The following CHFR variants were observed in gnomAD, a reference collection of about 807,000 sequenced individuals.
The protein encoded by CHFR is E3 ubiquitin-protein ligase CHFR.
In CHFR, 57 loss-of-function variants were observed where a neutral mutation model predicts 87.6. The ratio of observed to expected loss-of-function variants is 0.65; its 90% CI spans 0.53 to 0.81. The LOEUF is 0.81. Among genes scored for constraint, CHFR ranks in the 30% least tolerant of loss-of-function variants. The pLI is 0.00. For missense variants in CHFR, 797 were observed against 865.8 expected, an observed-to-expected ratio of 0.92 and a Z score of 1.00; for synonymous variants, 381 against 359.2, an observed-to-expected ratio of 1.06 and a Z score of -0.69.
chr12:132,844,786 GTGCCC>G (rs1950782611), intron 15 of CHFR, among the ~76,000 whole-genome samples: 19 of 138,400 alleles, frequency 1.4e-4, no homozygotes, highest in Admixed American at 7.2e-5. Flanking sequence ...GTGTGCCACC[GTGCCC>G]GGCTAATGTT....
Position 132,851,700 on chromosome 12 carries a change from G to A in CHFR, c.1410C>T (p.His470=), listed in dbSNP as rs147791929. ...QDYVCPLQGS[H]ALCTCCFQPM... is the part of the protein sequence containing the mutation. ...GCTGGAAGCAGCAGGTGCACAGGGC[G>A]TGGCTTCCTTGCAGAGGGCACACGT... is the stretch of plus-strand genomic sequence containing the variant. Residue 470 remains histidine, a synonymous_variant, in exon 12 of 18, where the codon CAC becomes CAT. Transcript: ENST00000450056. 2.8e-4 allele frequency: 454 copies of A among 1,613,446 alleles called. No homozygotes were observed. In the South Asian group the frequency reaches 4.5e-3, roughly 16 times the overall value.
intron 7 of CHFR, among the ~76,000 whole-genome samples, chr12:132,860,378 G>A (rs370484647): frequency 4.6e-5 from 7 of 152,158 alleles, no homozygotes; most frequent in African/African-American, 1.7e-4. Context: ...TAGTTTACTA[G>A]ATTAAGTTGT....
At chr12:132,861,394 G>A in intron 7 of CHFR, 73 bp downstream of exon 7, 2 of 1,499,896 alleles carry the variant, frequency 1.3e-6, no homozygotes, top group Non-Finnish European at 1.8e-6. Context: ...CCACAGCACG[G>A]AGCATGGCAG....
rs1165117990 is a variant in CHFR, at chr12:132,843,173, G to A, written c.1844-90C>T. The A allele has an allele frequency of 1.3e-5, 15 of 1,181,294 alleles. No individual in the cohort carries two copies. In the African/African-American group the frequency reaches 1.5e-4, roughly 12 times the overall value. 73.2% of individuals were successfully genotyped at this position (1,181,294 alleles called of 1,614,324 possible). A position where few individuals can be genotyped will look rare whatever the true frequency, so the allele number is the denominator to read the frequency against. On this transcript the variant is annotated intron_variant, in intron 16 of 17. Transcript: ENST00000450056. ...TCCCAGCAGAGACCCAACGACAGAC[G>A]CTGCGGTGGAAACGCACGGCCTCTG...
chr12:132,878,267 G>A (rs1430920416), intron 2 of CHFR, among the ~76,000 whole-genome samples: 3 of 152,032 alleles, frequency 2.0e-5, no homozygotes, highest in Non-Finnish European at 4.4e-5. Flanking sequence ...TCAGGAGTTC[G>A]AGACCAGCCT....
chr12:132,843,942 T>G (rs1340233983), intron 16 of CHFR, 85 bp downstream of exon 16: 1 of 816,152 alleles, frequency 1.2e-6, no homozygotes, highest in African/African-American at 1.7e-5. Context: ...ACAGCGAAAC[T>G]GTCTCAAAAA....
chr12:132,835,705 A>G lies in CHFR; in HGVS notation c.*5849T>C, dbSNP rs1191749883. The G allele has an allele frequency of 1.3e-5, 3 of 232,856 alleles. No individual in the cohort carries two copies. The highest frequency in any genetic ancestry group is 4.8e-5 in the African/African-American group (2 of 41,860). 14.4% of individuals were successfully genotyped at this position (232,856 alleles called of 1,614,324 possible). ...TGTGAGAAAATACTTTCTGTTGTTT[A>G]AGCCGCCTGTTCTGCGGCGTTTTGA... On this transcript the variant is annotated 3_prime_UTR_variant, in exon 18 of 18. Coordinates refer to ENST00000450056, the MANE Select transcript of CHFR (RefSeq NM_001161346.2).
chr12:132,853,026 G>A (rs536672479), intron 11 of CHFR, among the ~76,000 whole-genome samples: 19 of 152,320 alleles, frequency 1.2e-4, no homozygotes, highest in Admixed American at 9.8e-4. Context: ...CTCTGGTGAC[G>A]CAGGGCAGCT....
chr12:132,887,485 C>G, intron 1 of CHFR, 62 bp downstream of exon 1: 1 of 397,330 alleles, frequency 2.5e-6, no homozygotes. Context: ...GCGCCCCCTC[C>G]CACGGCCGCA....
intron 10 of CHFR, 149 bp from the exon 11 acceptor site, chr12:132,853,722 A>G: frequency 1.1e-6 from 1 of 897,730 alleles, no homozygotes; most frequent in Non-Finnish European, 1.6e-6. Flanking sequence ...ATTCCTGTCC[A>G]GCACCCCAGT....
At chr12:132,867,193 G>C (rs1951365279) in intron 6 of CHFR, 1 of 152,322 alleles carries the variant, frequency 6.6e-6, no homozygotes, top group South Asian at 2.1e-4. Context: ...GCATACAACG[G>C]AGTAAAAACC....
At chr12:132,842,832 G>T (rs2306544) in intron 17 of CHFR, among the ~76,000 whole-genome samples, 179 bp downstream of exon 17, 6 of 152,258 alleles carry the variant, frequency 3.9e-5, no homozygotes, top group Non-Finnish European at 7.4e-5. Context: ...AGTGGAAGAC[G>T]GAGATAAAAC....
At chr12:132,878,249 T>G (rs1057512184) in intron 2 of CHFR, among the ~76,000 whole-genome samples, 1 of 152,096 alleles carries the variant, frequency 6.6e-6, no homozygotes, top group African/African-American at 2.4e-5. Context: ...GGTGAATGGA[T>G]CACGAGGTCA....
At chr12:132,883,422 G>A (rs111839026) in intron 2 of CHFR, among the ~76,000 whole-genome samples, 20,459 of 117,186 alleles carry the variant, frequency 0.17, 2,009 homozygotes, top group Middle Eastern at 0.26. Flanking sequence ...GTGAAACTCC[G>A]TCTCAAAAAA....
At chr12:132,880,558 T>G (rs1951743402) in intron 2 of CHFR, among the ~76,000 whole-genome samples, 1 of 151,574 alleles carries the variant, frequency 6.6e-6, no homozygotes, top group African/African-American at 2.4e-5. Flanking sequence ...CTCAGGAGGC[T>G]GAGGCAGAAG....
intron 12 of CHFR, chr12:132,849,418 A>C (rs1950893447): frequency 1.3e-5 from 2 of 151,104 alleles, no homozygotes; most frequent in South Asian, 4.2e-4. Flanking sequence ...GATGCACTGC[A>C]CCCGGCCTCA....
chr12:132,865,662 T>G (rs1951318164), intron 6 of CHFR, among the ~76,000 whole-genome samples: 1 of 139,272 alleles, frequency 7.2e-6, no homozygotes, highest in African/African-American at 2.7e-5. Flanking sequence ...TCTTTTTTTT[T>G]TTTTTTTTTT....
chr12:132,847,037 A>G lies in CHFR; in HGVS notation c.1735+6T>C. 2 of 1,608,804 alleles carry G rather than the reference A, an allele frequency of 1.2e-6. No homozygotes were observed. The highest frequency in any genetic ancestry group is 1.7e-6 in the Non-Finnish European group (2 of 1,175,646). ...CCTTAGAGCAGGAGGCAACAGAAGA[A>G]CTCACCAGACAGCAGAAACACTCCC... On this transcript the variant is annotated splice_donor_region_variant and intron_variant, in intron 15 of 17. Coordinates refer to ENST00000450056, the MANE Select transcript of CHFR (RefSeq NM_001161346.2).
chr12:132,863,618 G>A (rs962225950), intron 6 of CHFR, among the ~76,000 whole-genome samples: 1 of 152,190 alleles, frequency 6.6e-6, no homozygotes, highest in South Asian at 2.1e-4. Flanking sequence ...ATGGTGCTGC[G>A]TGTGAACTAT....
Sources: allele counts gnomAD v4.1 joint callset (sites outside exome capture counted in the v4.1 genomes callset), GRCh38; gene constraint gnomAD v4.1.1; transcripts MANE v1.5; gene names NCBI Gene and HGNC (gene_info 2026-07-23, HGNC 2026-07-21).